Variants in CFDP1 observed in about 807,000 individuals in gnomAD.
CFDP1 encodes chromatin remodeling protein CFDP1.
A neutral mutation model predicts 40.1 loss-of-function variants in CFDP1; 31 were observed. The observed-to-expected ratio is 0.77, with a 90% CI of 0.58 to 1.04. CFDP1 has a LOEUF of 1.04. Ranked by LOEUF, CFDP1 falls within the 50% of genes least tolerant of loss-of-function variation. CFDP1 has a pLI of 0.00. For synonymous variants in CFDP1, 167 were observed against 120.0 expected (o/e 1.39, Z -2.56); for missense variants, 423 against 343.4 (o/e 1.23, Z -1.83).
At chr16:75,310,634 A>G (rs1194863767) in intron 5 of CFDP1, among the ~76,000 whole-genome samples, 2 of 152,228 alleles carry the variant, frequency 1.3e-5, no homozygotes, top group Non-Finnish European at 2.9e-5. Context: ...TTCCATGTCC[A>G]CCAGCATTGA....
intron 1 of CFDP1, among the ~76,000 whole-genome samples, chr16:75,423,002 C>T (rs959026094): frequency 3.3e-5 from 5 of 151,686 alleles, no homozygotes; most frequent in African/African-American, 1.2e-4. Flanking sequence ...AAAATTAGGC[C>T]GGGCGCAGTG....
chr16:75,427,096 G>C (rs1389897274), intron 1 of CFDP1, among the ~76,000 whole-genome samples: 2 of 150,486 alleles, frequency 1.3e-5, no homozygotes, highest in African/African-American at 2.4e-5. Context: ...ACTATATCCA[G>C]AATATATAAT....
intron 4 of CFDP1, among the ~76,000 whole-genome samples, chr16:75,410,922 A>G (rs570042173): frequency 2.9e-4 from 44 of 150,122 alleles, no homozygotes; most frequent in African/African-American, 8.8e-4. Flanking sequence ...AAAAAAAAAA[A>G]AAAAGAAAAA....
chr16:75,366,057 T>C (rs1395726390), intron 5 of CFDP1, among the ~76,000 whole-genome samples: 2 of 152,212 alleles, frequency 1.3e-5, no homozygotes, highest in Non-Finnish European at 2.9e-5. Flanking sequence ...AATGAAAACA[T>C]GTCCACATAA....
At chr16:75,375,869 G>A (rs961749275) in intron 5 of CFDP1, among the ~76,000 whole-genome samples, 10 of 151,898 alleles carry the variant, frequency 6.6e-5, no homozygotes, top group African/African-American at 2.4e-4. Flanking sequence ...ATACATCACT[G>A]GCAAAATATA....
At chr16:75,346,344 C>A (rs1349814530) in intron 5 of CFDP1, among the ~76,000 whole-genome samples, 1 of 151,916 alleles carries the variant, frequency 6.6e-6, no homozygotes, top group South Asian at 2.1e-4. Flanking sequence ...AGCACTTTGG[C>A]AGGCCGAGGC....
intron 5 of CFDP1, among the ~76,000 whole-genome samples, chr16:75,371,716 A>T (rs17696754): frequency 0.015 from 2,313 of 152,312 alleles, 119 homozygotes; most frequent in Admixed American, 0.1. Flanking sequence ...AGGAAAGAAA[A>T]GTAAGTGAAT....
At chr16:75,318,470 G>A (rs929996362) in intron 5 of CFDP1, among the ~76,000 whole-genome samples, 2 of 148,470 alleles carry the variant, frequency 1.3e-5, no homozygotes, top group Non-Finnish European at 3.0e-5. Flanking sequence ...CAGTGGCACA[G>A]TCTCGGCTCA....
chr16:75,367,357 G>A (rs1177464870), intron 5 of CFDP1, among the ~76,000 whole-genome samples: 1 of 150,718 alleles, frequency 6.6e-6, no homozygotes, highest in Non-Finnish European at 1.5e-5. Context: ...TGGGTTGACA[G>A]GTGCAGCAAA....
intron 5 of CFDP1, among the ~76,000 whole-genome samples, chr16:75,363,488 T>G (rs577518843): frequency 6.6e-6 from 1 of 151,968 alleles, no homozygotes; most frequent in East Asian, 1.9e-4. Context: ...CTCTGCCTCC[T>G]GGGTTCAAGG....
intron 6 of CFDP1, among the ~76,000 whole-genome samples, chr16:75,300,623 G>A (rs543860586): frequency 6.6e-6 from 1 of 152,262 alleles, no homozygotes; most frequent in African/African-American, 2.4e-5. Context: ...AGACAGTGAT[G>A]TGCCATTTTC....
chr16:75,309,958 T>C (rs2078285518), intron 5 of CFDP1, among the ~76,000 whole-genome samples: 1 of 151,612 alleles, frequency 6.6e-6, no homozygotes, highest in South Asian at 2.1e-4. Flanking sequence ...CAGACAACAG[T>C]ACTTCATTGA....
intron 1 of CFDP1, among the ~76,000 whole-genome samples, chr16:75,431,942 C>T (rs1206149104): frequency 2.1e-5 from 3 of 140,160 alleles, no homozygotes; most frequent in African/African-American, 5.2e-5. Flanking sequence ...GACGGAGTCT[C>T]GCTCTGTCAC....
chr16:75,389,606 G>A (rs2078931049), intron 5 of CFDP1, among the ~76,000 whole-genome samples: 1 of 152,018 alleles, frequency 6.6e-6, no homozygotes, highest in Admixed American at 6.6e-5. Context: ...TTTAGAGAGA[G>A]GAAAATAAAC....
chr16:75,303,685 C>G (rs3784936), intron 6 of CFDP1, among the ~76,000 whole-genome samples: 129,377 of 151,812 alleles, frequency 0.85, 55,271 homozygotes, highest in Middle Eastern at 0.91. Context: ...TGAATGACTT[C>G]GACTTAACGC....
intron 4 of CFDP1, among the ~76,000 whole-genome samples, chr16:75,404,472 C>A (rs1000710315): frequency 7.2e-5 from 11 of 152,016 alleles, no homozygotes; most frequent in African/African-American, 2.4e-4. Flanking sequence ...CCGCCTGCCT[C>A]GGCCTCCCAA....
intron 5 of CFDP1, among the ~76,000 whole-genome samples, chr16:75,389,542 T>G (rs1268732438): frequency 6.6e-6 from 1 of 152,226 alleles, no homozygotes; most frequent in Non-Finnish European, 1.5e-5. Flanking sequence ...TCAAAAGATG[T>G]GGGACAGGAT....
chr16:75,302,755 G>C (rs1244703161), intron 6 of CFDP1, among the ~76,000 whole-genome samples: 1 of 152,342 alleles, frequency 6.6e-6, no homozygotes. Flanking sequence ...GCGCATGTCA[G>C]AGCTACCACT....
intron 5 of CFDP1, among the ~76,000 whole-genome samples, chr16:75,353,091 T>C (rs1297277468): frequency 6.6e-6 from 1 of 152,110 alleles, no homozygotes; most frequent in African/African-American, 2.4e-5. Context: ...AACAAATACA[T>C]TCCAAGTAGA....
Sources: allele counts gnomAD v4.1 joint callset (sites outside exome capture counted in the v4.1 genomes callset), GRCh38; gene constraint gnomAD v4.1.1; transcripts MANE v1.5; gene names NCBI Gene and HGNC (gene_info 2026-07-23, HGNC 2026-07-21).